DNAH8: variants seen among roughly 807,000 people sequenced by gnomAD.
DNAH8 encodes dynein axonemal heavy chain 8.
Under a neutral mutation model 562.1 loss-of-function variants are expected in DNAH8, and 382 were observed. The observed-to-expected ratio is 0.68, with a 90% CI of 0.63 to 0.74. The LOEUF (loss-of-function observed/expected upper bound fraction) is 0.74, where lower values mean the gene tolerates loss of function less well. Among genes scored for constraint, DNAH8 ranks in the 30% least tolerant of loss-of-function variants. DNAH8 has a pLI of 0.00. For missense variants in DNAH8, 5,203 were observed against 5,620.4 expected, an observed-to-expected ratio of 0.93 and a Z score of 2.37; for synonymous variants, 1,881 against 1,919.4, an observed-to-expected ratio of 0.98 and a Z score of 0.52.
intron 79 of DNAH8, among the ~76,000 whole-genome samples, chr6:38,940,668 C>T (rs949747859): frequency 6.6e-6 from 1 of 152,178 alleles, no homozygotes; most frequent in Non-Finnish European, 1.5e-5. Flanking sequence ...ACTTACGCTC[C>T]TATTTCCTTA....
intron 42 of DNAH8, among the ~76,000 whole-genome samples, chr6:38,859,944 C>T (rs1008221203): frequency 2.6e-5 from 4 of 152,172 alleles, no homozygotes; most frequent in African/African-American, 7.2e-5. Flanking sequence ...CTCTAGATCC[C>T]GGGATGCCCC....
chr6:38,875,159 G>A (rs2150444116), intron 52 of DNAH8, among the ~76,000 whole-genome samples: 1 of 152,324 alleles, frequency 6.6e-6, no homozygotes, highest in South Asian at 2.1e-4. Flanking sequence ...TACCAAACAG[G>A]TGGCCAGCCT....
At chr6:38,725,810 T>G (rs907483833) in intron 3 of DNAH8, among the ~76,000 whole-genome samples, 3 of 152,218 alleles carry the variant, frequency 2.0e-5, no homozygotes, top group Admixed American at 2.0e-4. Context: ...GTCTCCCATT[T>G]TCATTTTGCA....
intron 87 of DNAH8, among the ~76,000 whole-genome samples, chr6:38,988,740 G>A (rs904664771): frequency 1.3e-5 from 2 of 151,944 alleles, no homozygotes; most frequent in Non-Finnish European, 2.9e-5. Flanking sequence ...TTGCTTATGT[G>A]GCCTCCCCAT....
chr6:38,815,891 A>G (rs1396049290), intron 26 of DNAH8, among the ~76,000 whole-genome samples: 1 of 152,072 alleles, frequency 6.6e-6, no homozygotes, highest in Non-Finnish European at 1.5e-5. Context: ...AAACCTTAGC[A>G]CTAATTTTAC....
intron 8 of DNAH8, among the ~76,000 whole-genome samples, chr6:38,743,609 A>G (rs571615703): frequency 3.3e-5 from 5 of 152,144 alleles, no homozygotes; most frequent in African/African-American, 1.2e-4. Context: ...GACATTTTAT[A>G]TAAATGGAAT....
intron 33 of DNAH8, among the ~76,000 whole-genome samples, chr6:38,839,044 C>G (rs1054510301): frequency 6.6e-6 from 1 of 152,148 alleles, no homozygotes; most frequent in Non-Finnish European, 1.5e-5. Context: ...GGTTTGTATT[C>G]TCTTTCTAAA....
chr6:38,911,429 A>T, intron 65 of DNAH8, 39 bp from the exon 66 acceptor site: 15 of 1,421,286 alleles, frequency 1.1e-5, no homozygotes, highest in Non-Finnish European at 1.5e-5. Flanking sequence ...GGGAGTACGC[A>T]CAATGATTGA....
intron 21 of DNAH8, among the ~76,000 whole-genome samples, chr6:38,799,604 T>C (rs939999767): frequency 2.6e-5 from 4 of 152,246 alleles, no homozygotes; most frequent in Non-Finnish European, 4.4e-5. Context: ...AGCAGCCTTA[T>C]TGAGATAAAA....
chr6:38,815,683 T>C, intron 26 of DNAH8, 26 bp downstream of exon 26: 1 of 1,580,532 alleles, frequency 6.3e-7, no homozygotes, highest in Non-Finnish European at 8.6e-7. Flanking sequence ...TAGTCAATGA[T>C]CTTACTGATC....
chr6:38,918,011 A>G lies in DNAH8; in HGVS notation c.10395A>G (p.Pro3465=), dbSNP rs377745775. 1.2e-6 allele frequency: 2 copies of G among 1,613,720 alleles called. No homozygotes were observed. The highest frequency in any genetic ancestry group is 1.1e-5 in the South Asian group (1 of 91,066). Residue 3465 remains proline, a synonymous_variant, in exon 70 of 93, where the codon CCA becomes CCG. Transcript: ENST00000327475. ...INEETVELLQ[P]YFNMDDYTFE... ...AAGAGACTGTTGAGTTACTACAGCC[A>G]TATTTTAATATGGATGATTATACTT...
chr6:38,907,291 A>G (rs753652689), intron 63 of DNAH8, among the ~76,000 whole-genome samples: 4 of 152,170 alleles, frequency 2.6e-5, no homozygotes, highest in South Asian at 2.1e-4. Flanking sequence ...CACTGTTTCC[A>G]TTCAGGGAAG....
At position 38,875,571 on chromosome 6, in the gene DNAH8, T is replaced by G; in HGVS notation, c.7621-20T>G. 5 of 1,376,888 alleles carry G rather than the reference T, an allele frequency of 3.6e-6. No homozygotes were observed. The highest frequency in any genetic ancestry group is 4.9e-6 in the Non-Finnish European group (5 of 1,017,186). 85.3% of individuals were successfully genotyped at this position (1,376,888 alleles called of 1,614,324 possible). ...TCAAAATTTTAATTTAAAAATTTAT[T>G]TTATTTGAAACATTTTCAGTCTCTC... On this transcript the variant is annotated intron_variant, in intron 52 of 92. Transcript: ENST00000327475.
intron 53 of DNAH8, among the ~76,000 whole-genome samples, chr6:38,881,528 A>G (rs944960162): frequency 6.6e-6 from 1 of 151,580 alleles, no homozygotes; most frequent in Non-Finnish European, 1.5e-5. Context: ...GCTAAAATGT[A>G]AATAAATTTT....
At chr6:38,856,217 C>T (rs150071609) in intron 41 of DNAH8, among the ~76,000 whole-genome samples, 21 of 152,298 alleles carry the variant, frequency 1.4e-4, no homozygotes, top group Admixed American at 2.6e-4. Flanking sequence ...GGTGCCTTCT[C>T]ATATTGTTTA....
At chr6:38,736,506 C>T (rs1009163678) in intron 5 of DNAH8, among the ~76,000 whole-genome samples, 2 of 152,184 alleles carry the variant, frequency 1.3e-5, no homozygotes, top group African/African-American at 4.8e-5. Flanking sequence ...TTGCCACACA[C>T]TCACAGTTAA....
chr6:38,968,794 A>C (rs927328546), intron 82 of DNAH8, among the ~76,000 whole-genome samples: 6 of 152,158 alleles, frequency 3.9e-5, no homozygotes, highest in South Asian at 2.1e-4. Flanking sequence ...ATATACCCCC[A>C]AAAAACTGAA....
chr6:38,778,433 T>C lies in DNAH8; in HGVS notation c.2008T>C (p.Ser670Pro). The change falls in exon 14 of 93, where the codon TCT (serine) becomes CCT (proline). Residue 670 changes from serine to proline, a missense_variant. Physicochemically the swap from Ser to Pro is moderately conservative, Grantham distance 74 (BLOSUM62 -1). This residue lies in a region of DNAH8 where 2,176 missense variants were observed against 2,365.1 expected (regional missense o/e 0.92). Transcript: ENST00000327475. The part of the protein sequence containing the change: ...FMNSSFGKIL[S>P]SQQALQLLQR... ...GAACAGTAGTTTTGGGAAAATCTTA[T>C]CTTCTCAGCAGGCTCTTCAGCTACT... 6.3e-7 allele frequency: 1 copy of C among 1,597,166 alleles called. No homozygotes were observed. The highest frequency in any genetic ancestry group is 8.6e-7 in the Non-Finnish European group (1 of 1,166,178).
At chr6:38,868,621 G>A (rs1002188028) in intron 48 of DNAH8, among the ~76,000 whole-genome samples, 1 of 151,654 alleles carries the variant, frequency 6.6e-6, no homozygotes, top group African/African-American at 2.4e-5. Flanking sequence ...AAAACACATT[G>A]AAAATTTGCT....
Sources: allele counts gnomAD v4.1 joint callset (sites outside exome capture counted in the v4.1 genomes callset), GRCh38; gene constraint gnomAD v4.1.1; regional missense constraint gnomAD v4.1.1; transcripts MANE v1.5; gene names NCBI Gene and HGNC (gene_info 2026-07-23, HGNC 2026-07-21).